Variants in CNTN4 observed in about 807,000 individuals in gnomAD.
CNTN4 encodes the protein contactin-4.
Under a neutral mutation model 122.5 loss-of-function variants are expected in CNTN4, and 77 were observed. That is an observed-to-expected ratio of 0.63 (90% confidence interval 0.52 to 0.76). The LOEUF (loss-of-function observed/expected upper bound fraction) is 0.76. CNTN4 is among the 30% of genes least tolerant of loss of function. The probability of loss-of-function intolerance (pLI) is 0.00; values close to 1 mark genes in which losing one functional copy is unlikely to be tolerated. For missense variants in CNTN4, 1,256 were observed against 1,259.1 expected, an observed-to-expected ratio of 1.00 and a Z score of 0.04; for synonymous variants, 512 against 447.0, an observed-to-expected ratio of 1.15 and a Z score of -1.83.
chr3:2,588,129 A>G (rs1392511569), intron 4 of CNTN4, among the ~76,000 whole-genome samples: 6 of 152,092 alleles, frequency 3.9e-5, no homozygotes, highest in African/African-American at 1.4e-4. Context: ...TATAAGTAAA[A>G]AGTAGCCGTA....
intron 2 of CNTN4, among the ~76,000 whole-genome samples, chr3:2,125,894 G>GGTGTGTGT (rs61706367): frequency 0.051 from 7,330 of 143,340 alleles, 238 homozygotes; most frequent in Non-Finnish European, 0.071. Flanking sequence ...TTTTATTTCT[G>GGTGTGTGT]GTGTGTGTGT....
intron 6 of CNTN4, among the ~76,000 whole-genome samples, chr3:2,785,419 G>A (rs2091772842): frequency 6.6e-6 from 1 of 152,092 alleles, no homozygotes; most frequent in South Asian, 2.1e-4. Context: ...GGCCTTCAGT[G>A]GATTGAATGA....
chr3:2,790,925 G>C (rs951840337), intron 6 of CNTN4, among the ~76,000 whole-genome samples: 1 of 152,110 alleles, frequency 6.6e-6, no homozygotes, highest in Non-Finnish European at 1.5e-5. Flanking sequence ...CTTTTGTTTA[G>C]ATAAGGTTCA....
intron 3 of CNTN4, among the ~76,000 whole-genome samples, chr3:2,493,521 A>G (rs1192344292): frequency 6.7e-6 from 1 of 150,330 alleles, no homozygotes; most frequent in East Asian, 1.9e-4. Flanking sequence ...TGAACTAGAA[A>G]TCTTATTTTT....
intron 3 of CNTN4, among the ~76,000 whole-genome samples, chr3:2,340,778 C>T (rs1329372467): frequency 7.2e-6 from 1 of 139,758 alleles, no homozygotes; most frequent in African/African-American, 2.6e-5. Context: ...AGGTATTTTT[C>T]ATGAGCTAAG....
chr3:2,187,554 G>A (rs949243573), intron 2 of CNTN4, among the ~76,000 whole-genome samples: 2 of 152,132 alleles, frequency 1.3e-5, no homozygotes. Flanking sequence ...ATCAGCTGTT[G>A]TGTAACTTAT....
chr3:2,307,935 T>C (rs1267082441), intron 2 of CNTN4, among the ~76,000 whole-genome samples: 8 of 152,148 alleles, frequency 5.3e-5, no homozygotes, highest in African/African-American at 9.7e-5. Context: ...AATAATGGGC[T>C]TATGTAATGA....
chr3:2,121,485 A>C (rs1474986280), intron 2 of CNTN4, among the ~76,000 whole-genome samples: 3 of 143,688 alleles, frequency 2.1e-5, no homozygotes. Flanking sequence ...TGACAGAGTG[A>C]GACTCCGTCT....
At chr3:2,638,145 C>T (rs1467259650) in intron 4 of CNTN4, among the ~76,000 whole-genome samples, 1 of 152,194 alleles carries the variant, frequency 6.6e-6, no homozygotes, top group Non-Finnish European at 1.5e-5. Context: ...TTAACTTCCA[C>T]CTTATTGGAA....
rs745790741 is a variant in CNTN4, at chr3:2,921,009, C to G, written c.1208-4620C>G. On this transcript the variant is annotated intron_variant, in intron 12 of 24. Coordinates refer to ENST00000418658, the MANE Select transcript of CNTN4 (RefSeq NM_175607.3). The stretch of plus-strand genomic sequence containing the variant: ...TCTACTTCAGAGTTGTGTTGAGAGT[C>G]TCCTTGTGAATATCATTCATAATAA... 8.4e-4 allele frequency among the ~76,000 whole-genome samples: 128 copies of G among 152,116 alleles called. 2 individuals carry two copies. Among genetic ancestry groups the G allele is most frequent in the Non-Finnish European group, 1.5e-4 (10 of 68,030 alleles).
chr3:2,604,489 T>C (rs1356572159), intron 4 of CNTN4, among the ~76,000 whole-genome samples: 1 of 152,138 alleles, frequency 6.6e-6, no homozygotes, highest in Non-Finnish European at 1.5e-5. Flanking sequence ...AATAGATACA[T>C]ATCTATGTAA....
intron 4 of CNTN4, among the ~76,000 whole-genome samples, chr3:2,651,208 C>A (rs1265140044): frequency 6.6e-6 from 1 of 152,146 alleles, no homozygotes; most frequent in African/African-American, 2.4e-5. Flanking sequence ...CTTTCACCAC[C>A]TCCTTTGATC....
At chr3:2,932,973 C>A (rs1208913158) in intron 13 of CNTN4, among the ~76,000 whole-genome samples, 1 of 152,072 alleles carries the variant, frequency 6.6e-6, no homozygotes, top group Non-Finnish European at 1.5e-5. Context: ...CAGGCACCCA[C>A]CACTATGCCC....
chr3:2,154,258 G>A (rs910321554), intron 2 of CNTN4, among the ~76,000 whole-genome samples: 2 of 151,822 alleles, frequency 1.3e-5, no homozygotes, highest in Non-Finnish European at 2.9e-5. Context: ...GGTGGTGGGC[G>A]CCTGTAATCC....
chr3:2,782,670 G>T (rs1239908654), intron 6 of CNTN4, among the ~76,000 whole-genome samples: 1 of 152,120 alleles, frequency 6.6e-6, no homozygotes, highest in East Asian at 1.9e-4. Context: ...TCAGTTTGGG[G>T]ATCGAAAACT....
intron 3 of CNTN4, among the ~76,000 whole-genome samples, chr3:2,423,058 G>C (rs1006815686): frequency 2.6e-5 from 4 of 152,178 alleles, no homozygotes; most frequent in African/African-American, 7.2e-5. Flanking sequence ...TTAGTGGAAT[G>C]AACTTAGAAT....
At chr3:2,542,348 A>C (rs573535780) in intron 3 of CNTN4, among the ~76,000 whole-genome samples, 2 of 152,242 alleles carry the variant, frequency 1.3e-5, no homozygotes, top group African/African-American at 2.4e-5. Flanking sequence ...CTCAGGTTGA[A>C]AGGTTTGATT....
chr3:2,582,873 C>T (rs903720573), intron 4 of CNTN4, among the ~76,000 whole-genome samples: 19 of 146,210 alleles, frequency 1.3e-4, no homozygotes, highest in Admixed American at 7.0e-4. Context: ...GGTTATGTCC[C>T]AGACCAATGC....
chr3:2,929,893 G>T (rs572524163), intron 13 of CNTN4, among the ~76,000 whole-genome samples: 1 of 152,328 alleles, frequency 6.6e-6, no homozygotes, highest in East Asian at 1.9e-4. Context: ...AATGGATGCT[G>T]CGCAGAGGCT....
Sources: gnomAD v4.1 joint callset for allele counts (sites outside exome capture counted in the v4.1 genomes callset) on GRCh38, gnomAD v4.1.1 for gene constraint, MANE v1.5 for transcripts, NCBI Gene and HGNC (gene_info 2026-07-23, HGNC 2026-07-21) for gene names.